The following EFNB1 variants were observed in gnomAD, a reference collection of about 807,000 sequenced individuals.
EFNB1 encodes the protein ephrin B1, also known as ephrin-B1.
Under a neutral mutation model 18.1 loss-of-function variants are expected in EFNB1, and 1 was observed. That is an observed-to-expected ratio of 0.06 (90% confidence interval 0.02 to 0.26). EFNB1 has a LOEUF of 0.26. EFNB1 is among the 10% of genes least tolerant of loss of function. The pLI is 1.00. For synonymous variants in EFNB1, 131 were observed against 127.5 expected, an observed-to-expected ratio of 1.03 and a Z score of -0.19; for missense variants, 221 against 301.8, an observed-to-expected ratio of 0.73 and a Z score of 1.98.
In EFNB1 at chrX:68,840,258, A is replaced by G. The variant is rs144441935; in HGVS notation, c.645A>G (p.Glu215=). The G allele has an allele frequency of 1.7e-5, 20 of 1,210,363 alleles. No homozygotes were observed. Among genetic ancestry groups the G allele is most frequent in the Middle Eastern group, 2.3e-4 (1 of 4,374 alleles). ...CTTCCTCAGAGACTGTGAACCAGGA[A>G]GAGAAGAGTGGCCCAGGTGCAAGTG... ...SDGKHETVNQ[E]EKSGPGASGG... is the part of the protein sequence containing the mutation. The change falls in exon 5 of 5, where the codon GAA becomes GAG. Residue 215 remains glutamate, a synonymous_variant. Transcript: ENST00000204961.
chrX:68,829,979 A>C (rs757668990), intron 1 of EFNB1, 75 bp downstream of exon 1: 3 of 1,068,320 alleles, frequency 2.8e-6, no homozygotes, highest in East Asian at 4.0e-5. Flanking sequence ...CCCGGAGTGC[A>C]TGTGGGGAGG....
rs942390939 is a variant in EFNB1, at chrX:68,835,828, T to G, written c.129-2789T>G. Among the ~76,000 whole-genome samples the G allele has an allele frequency of 3.6e-5, 4 of 111,811 alleles. No homozygotes were observed. The Admixed American group carries it at 3.8e-4, about 11-fold the overall frequency. The stretch of plus-strand genomic sequence containing the variant: ...CCTCCTCCATCATGTAGACATCTGT[T>G]TCCTCAATGCCTCTGGCTTCAAGGT... On this transcript the variant is annotated intron_variant, in intron 1 of 4. Transcript: ENST00000204961.
intron 2 of EFNB1, among the ~76,000 whole-genome samples, chrX:68,839,110 G>T (rs58807379): frequency 1.8e-3 from 202 of 112,264 alleles, no homozygotes; most frequent in African/African-American, 6.3e-3. Context: ...CCAGGGGTTG[G>T]GCAGGAGAGG....
chrX:68,839,044 C>G, intron 2 of EFNB1, 150 bp downstream of exon 2: 2 of 816,642 alleles, frequency 2.4e-6, no homozygotes, highest in Non-Finnish European at 3.5e-6. Context: ...GGCATGTTCT[C>G]CTCTTAGCCT....
rs376706341 is a variant in EFNB1, at chrX:68,840,279, A to G, written c.666A>G (p.Ala222=). The G allele has an allele frequency of 1.9e-5, 23 of 1,210,209 alleles. No individual in the cohort carries two copies. Among genetic ancestry groups the G allele is most frequent in the Middle Eastern group, 2.3e-4 (1 of 4,374 alleles). The change falls in exon 5 of 5, where the codon GCA becomes GCG. Residue 222 remains alanine (A), a synonymous_variant. Coordinates refer to ENST00000204961, the MANE Select transcript of EFNB1 (RefSeq NM_004429.5). ...VNQEEKSGPG[A]SGGSSGDPDG... ...AGGAAGAGAAGAGTGGCCCAGGTGC[A>G]AGTGGGGGCAGCAGCGGGGACCCTG...
Position 68,829,679 on chromosome X carries a change from G to T in EFNB1, c.-98G>T, listed in dbSNP as rs2080438680. On this transcript the variant is annotated 5_prime_UTR_variant, in exon 1 of 5. Coordinates refer to ENST00000204961, the MANE Select transcript of EFNB1 (RefSeq NM_004429.5). ...AGGCCGGCGGCTGCGGAGGATGGGCGCCTGAGCGGCTCCGAGCGCAGCGCG... is the reference window on the plus strand; with the variant it reads ...AGGCCGGCGGCTGCGGAGGATGGGCTCCTGAGCGGCTCCGAGCGCAGCGCG... 2 of 1,143,511 alleles carry T rather than the reference G, an allele frequency of 1.7e-6. No individual in the cohort carries two copies. Among genetic ancestry groups the T allele is most frequent in the African/African-American group, 1.8e-5 (1 of 55,855 alleles). The allele number at this position is 1,143,511 out of a possible 1,213,427, so 94.2% of individuals were successfully genotyped here.
rs143162125 is a variant in EFNB1 at position 68,840,000 on chromosome X, G to T, written c.540G>T (p.Arg180Ser). 3.6e-5 allele frequency: 44 copies of T among 1,210,417 alleles called. No homozygotes were observed. Among genetic ancestry groups the T allele is most frequent in the Middle Eastern group, 2.3e-4 (1 of 4,372 alleles). Reference protein sequence around the residue: ...AVTPEQLTTSRPSKEADNTVK... With the variant: ...AVTPEQLTTSSPSKEADNTVK... ...CGCCTGAGCAGCTGACTACCAGCAGGCCCAGCAAGGAGGCAGACAACACTG... is the reference window on the plus strand; with the variant it reads ...CGCCTGAGCAGCTGACTACCAGCAGTCCCAGCAAGGAGGCAGACAACACTG... The change falls in exon 4 of 5, where the codon AGG (arginine) becomes AGT (serine). Residue 180 changes from arginine (R) to serine (S), a missense_variant. Transcript: ENST00000204961.
intron 1 of EFNB1, among the ~76,000 whole-genome samples, chrX:68,835,470 T>C (rs2080458343): frequency 9.0e-6 from 1 of 111,266 alleles, no homozygotes; most frequent in African/African-American, 3.3e-5. Context: ...GGGTCCCCCT[T>C]TAAAGTATGA....
intron 2 of EFNB1, 110 bp from the exon 3 acceptor site, chrX:68,839,554 G>C (rs761237125): frequency 3.7e-5 from 26 of 708,707 alleles, no homozygotes; most frequent in Non-Finnish European, 5.0e-5. Context: ...TGCTTCTCCC[G>C]ACTGCAGTTT....
At position 68,829,471 on chromosome X, in the gene EFNB1, C is replaced by T. The variant is rs1035372569; in HGVS notation, c.-306C>T. The T allele has an allele frequency of 6.0e-5, 20 of 330,699 alleles. No individual in the cohort carries two copies. Among genetic ancestry groups the T allele is most frequent in the African/African-American group, 4.7e-4 (17 of 35,962 alleles). The allele number at this position is 330,699 out of a possible 1,213,427, so 27.3% of individuals were successfully genotyped here. A position where few individuals can be genotyped will look rare whatever the true frequency, so the allele number is the denominator to read the frequency against. ...AGCGTCTCGGGAAGTCGAGCGGAAT[C>T]GGGCGGGATCACCCGGGGGCGCAGA... On this transcript the variant is annotated 5_prime_UTR_variant, in exon 1 of 5. Coordinates refer to ENST00000204961, the MANE Select transcript of EFNB1 (RefSeq NM_004429.5).
rs2080436900 is a variant in EFNB1 at position 68,829,186 on chromosome X, C to T, written c.-591C>T. ...GACTGGCTCGCTCGGCAGCATCTCCCCGCTCTTCTAAGTACACTGAGCAGG... is the reference window on the plus strand; with the variant it reads ...GACTGGCTCGCTCGGCAGCATCTCCTCGCTCTTCTAAGTACACTGAGCAGG... On this transcript the variant is annotated 5_prime_UTR_variant, in exon 1 of 5. Transcript: ENST00000204961. 3 of 116,200 alleles carry T rather than the reference C, an allele frequency of 2.6e-5. No homozygotes were observed. The highest frequency in any genetic ancestry group is 9.7e-5 in the African/African-American group (3 of 31,085). 9.6% of individuals were successfully genotyped at this position (116,200 alleles called of 1,213,427 possible).
At position 68,840,468 on chromosome X, in the gene EFNB1, G is replaced by A; in HGVS notation, c.855G>A (p.Leu285=). The A allele has an allele frequency of 8.3e-7, 1 of 1,211,557 alleles. No homozygotes were observed. Among genetic ancestry groups the A allele is most frequent in the Non-Finnish European group, 1.1e-6 (1 of 895,324 alleles). Residue 285 remains leucine (L), a synonymous_variant, in exon 5 of 5, where the codon CTG becomes CTA. Transcript: ENST00000204961. ...CGGCTGCCCTCTCGCTCAGTACCCT[G>A]GCCAGTCCCAAGGGGGGCAGTGGCA... is the stretch of plus-strand genomic sequence containing the variant. ...QRAAALSLST[L]ASPKGGSGTA... is the part of the protein sequence containing the mutation.
chrX:68,834,582 G>A (rs1250901404), intron 1 of EFNB1, among the ~76,000 whole-genome samples: 1 of 113,224 alleles, frequency 8.8e-6, no homozygotes, highest in Non-Finnish European at 1.9e-5. Context: ...GGAGCTGGGG[G>A]AGTTAAAGAG....
chrX:68,829,989 G>A (rs2080440278), intron 1 of EFNB1, 85 bp downstream of exon 1: 5 of 1,107,496 alleles, frequency 4.5e-6, no homozygotes, highest in Non-Finnish European at 4.9e-6. Context: ...ATGTGGGGAG[G>A]TCTTCGGAGG....
At chrX:68,833,706 T>A (rs1372384663) in intron 1 of EFNB1, among the ~76,000 whole-genome samples, 2 of 112,363 alleles carry the variant, frequency 1.8e-5, no homozygotes, top group African/African-American at 6.5e-5. Flanking sequence ...TTGGGCGTGT[T>A]TCACGATCAT....
At chrX:68,835,645 G>T (rs900628329) in intron 1 of EFNB1, among the ~76,000 whole-genome samples, 1 of 111,361 alleles carries the variant, frequency 9.0e-6, no homozygotes, top group African/African-American at 3.3e-5. Context: ...AGGGAAGGCG[G>T]GTCTCATCAG....
intron 1 of EFNB1, among the ~76,000 whole-genome samples, chrX:68,830,471 G>T (rs1312048507): frequency 8.8e-6 from 1 of 113,019 alleles, no homozygotes; most frequent in Non-Finnish European, 1.9e-5. Flanking sequence ...TTGCTTTGCT[G>T]TCTCTTTTTG....
Position 68,840,692 on chromosome X carries a change from G to A in EFNB1, c.*38G>A, listed in dbSNP as rs746235111. The A allele has an allele frequency of 3.2e-5, 38 of 1,178,966 alleles. No homozygotes were observed. The highest frequency in any genetic ancestry group is 4.1e-5 in the Non-Finnish European group (36 of 877,815). ...GCCTCAGGCCCCCGAGGGACAGTCGGCCTGGACCGGACCTCTCCTTTCGCC... is the reference window on the plus strand; with the variant it reads ...GCCTCAGGCCCCCGAGGGACAGTCGACCTGGACCGGACCTCTCCTTTCGCC... On this transcript the variant is annotated 3_prime_UTR_variant, in exon 5 of 5. Coordinates refer to ENST00000204961, the MANE Select transcript of EFNB1 (RefSeq NM_004429.5).
intron 1 of EFNB1, among the ~76,000 whole-genome samples, chrX:68,831,467 C>A (rs1328862040): frequency 1.8e-5 from 2 of 111,556 alleles, no homozygotes; most frequent in Non-Finnish European, 3.8e-5. Context: ...GCTCAAAATG[C>A]TCTGGGAGCT....
Sources: allele counts gnomAD v4.1 joint callset (sites outside exome capture counted in the v4.1 genomes callset), GRCh38; gene constraint gnomAD v4.1.1; transcripts MANE v1.5; gene names NCBI Gene and HGNC (gene_info 2026-07-23, HGNC 2026-07-21).